Variants in FAM171A1 observed in about 807,000 individuals in gnomAD.
FAM171A1 encodes protein FAM171A1.
Under a neutral mutation model 74.9 loss-of-function variants are expected in FAM171A1, and 23 were observed. The ratio of observed to expected loss-of-function variants is 0.31; its 90% CI spans 0.22 to 0.44. FAM171A1 has a LOEUF of 0.44. Ranked by LOEUF, FAM171A1 falls within the 20% of genes least tolerant of loss-of-function variation. FAM171A1 has a pLI of 1.00. For missense variants in FAM171A1, 1,162 were observed against 1,159.2 expected (o/e 1.00, Z -0.03); for synonymous variants, 527 against 505.7 (o/e 1.04, Z -0.57).
intron 3 of FAM171A1, among the ~76,000 whole-genome samples, chr10:15,257,293 G>C (rs1006075731): frequency 6.6e-6 from 1 of 152,158 alleles, no homozygotes; most frequent in African/African-American, 2.4e-5. Context: ...GTGGGGCACA[G>C]AAACCTTCTC....
chr10:15,371,008 G>T lies in FAM171A1; in HGVS notation c.45C>A (p.His15Gln). The change falls in exon 1 of 8, where the codon CAC becomes CAA. Residue 15 changes from histidine (H) to glutamine (Q), a missense_variant. Coordinates refer to ENST00000378116, the MANE Select transcript of FAM171A1 (RefSeq NM_001010924.2). ...GCGTCTTGGTCACCGCCTTCCAGAC[G>T]TGGCAGCCCAGCAGGCACAGCAGCA... ...ATLLLCLLGC[H>Q]VWKAVTKTLR... is the part of the protein sequence containing the mutation. 8.4e-7 allele frequency: 1 copy of T among 1,189,204 alleles called. No individual in the cohort carries two copies. The highest frequency in any genetic ancestry group is 1.1e-6 in the Non-Finnish European group (1 of 936,858). The allele number at this position is 1,189,204 out of a possible 1,614,324, so 73.7% of individuals were successfully genotyped here. A position where few individuals can be genotyped will look rare whatever the true frequency, so the allele number is the denominator to read the frequency against.
At chr10:15,362,719 G>A (rs1426854558) in intron 1 of FAM171A1, among the ~76,000 whole-genome samples, 1 of 152,192 alleles carries the variant, frequency 6.6e-6, no homozygotes, top group East Asian at 1.9e-4. Flanking sequence ...GCGAGACTCT[G>A]TCTCAAAAAC....
Position 15,214,226 on chromosome 10 carries a change from C to G in FAM171A1, c.1362G>C (p.Gly454=). Residue 454 remains glycine, a synonymous_variant, in exon 8 of 8, where the codon GGG becomes GGC. Transcript: ENST00000378116. ...FDNLTPSGTL[G]KDYHKSVEVF... The stretch of plus-strand genomic sequence containing the variant: ...CCTCCACTGACTTATGGTAGTCTTT[C>G]CCCAGCGTCCCACTTGGAGTGAGGT... The G allele has an allele frequency of 6.2e-7, 1 of 1,614,156 alleles. No individual in the cohort carries two copies. Among genetic ancestry groups the G allele is most frequent in the Non-Finnish European group, 8.5e-7 (1 of 1,180,018 alleles).
intron 1 of FAM171A1, among the ~76,000 whole-genome samples, chr10:15,319,577 C>T (rs990308113): frequency 6.6e-6 from 1 of 152,182 alleles, no homozygotes; most frequent in Non-Finnish European, 1.5e-5. Flanking sequence ...GAATTATAGG[C>T]ATGCACAACC....
intron 5 of FAM171A1, among the ~76,000 whole-genome samples, chr10:15,233,865 G>A (rs956874945): frequency 6.7e-6 from 1 of 148,230 alleles, no homozygotes; most frequent in Admixed American, 6.8e-5. Context: ...TAGTGCCACT[G>A]CACTCCAGCC....
At chr10:15,324,720 T>A (rs1203526449) in intron 1 of FAM171A1, among the ~76,000 whole-genome samples, 2 of 151,854 alleles carry the variant, frequency 1.3e-5, no homozygotes, top group South Asian at 4.2e-4. Flanking sequence ...ACAGCCTTAG[T>A]TTCAAGAGTG....
intron 3 of FAM171A1, among the ~76,000 whole-genome samples, chr10:15,268,021 C>T (rs1037807296): frequency 3.3e-5 from 5 of 152,258 alleles, no homozygotes; most frequent in South Asian, 2.1e-4. Flanking sequence ...ACAGTGAGCA[C>T]GTGGGCCTAA....
At chr10:15,255,151 C>T (rs1834562827) in intron 3 of FAM171A1, among the ~76,000 whole-genome samples, 2 of 152,194 alleles carry the variant, frequency 1.3e-5, no homozygotes, top group Non-Finnish European at 1.5e-5. Context: ...CATGTGCAAG[C>T]AGTCTTGTCA....
chr10:15,222,817 G>A (rs79518149), intron 5 of FAM171A1, among the ~76,000 whole-genome samples: 2,267 of 152,344 alleles, frequency 0.015, 24 homozygotes, highest in Middle Eastern at 0.041. Context: ...GGGACAAGTC[G>A]GGCACCAGCG....
chr10:15,276,791 C>G (rs544224949), intron 2 of FAM171A1, among the ~76,000 whole-genome samples: 1 of 151,972 alleles, frequency 6.6e-6, no homozygotes, highest in African/African-American at 2.4e-5. Flanking sequence ...CTCAAGTATC[C>G]CTGCTGCCTT....
intron 1 of FAM171A1, among the ~76,000 whole-genome samples, chr10:15,318,579 C>G (rs149706233): frequency 1.3e-5 from 2 of 152,212 alleles, no homozygotes; most frequent in Non-Finnish European, 2.9e-5. Flanking sequence ...AATGCCGGAG[C>G]TGGTTCCCAT....
intron 6 of FAM171A1, among the ~76,000 whole-genome samples, chr10:15,219,835 T>C (rs7082435): frequency 0.22 from 33,868 of 152,038 alleles, 4,053 homozygotes; most frequent in African/African-American, 0.31. Flanking sequence ...CCTCCTCGGC[T>C]TCCCAAAGTG....
chr10:15,316,510 C>T (rs930626382), intron 1 of FAM171A1, among the ~76,000 whole-genome samples: 8 of 152,154 alleles, frequency 5.3e-5, no homozygotes, highest in African/African-American at 1.7e-4. Context: ...TTCTAAGAAA[C>T]CATTCCAGTC....
chr10:15,273,865 G>A (rs574201705), intron 3 of FAM171A1, among the ~76,000 whole-genome samples: 1 of 152,186 alleles, frequency 6.6e-6, no homozygotes, highest in Admixed American at 6.5e-5. Flanking sequence ...CAATAAACTA[G>A]GTATTGATGG....
Position 15,212,573 on chromosome 10 carries a change from C to T in FAM171A1, c.*342G>A, listed in dbSNP as rs17156419. The T allele has an allele frequency of 5.4e-3, 1,528 of 281,974 alleles. 18 individuals carry two copies. Among genetic ancestry groups the T allele is most frequent in the African/African-American group, 0.031 (1,400 of 44,616 alleles). The allele number at this position is 281,974 out of a possible 1,614,324, so 17.5% of individuals were successfully genotyped here. ...CGATGCAAAAAGTTTCATCTGTTCC[C>T]AGAATCCGAGGGAGAACTGAGGTGA... On this transcript the variant is annotated 3_prime_UTR_variant, in exon 8 of 8. Coordinates refer to ENST00000378116, the MANE Select transcript of FAM171A1 (RefSeq NM_001010924.2).
chr10:15,333,872 A>C (rs1482120763), intron 1 of FAM171A1, among the ~76,000 whole-genome samples: 1 of 148,160 alleles, frequency 6.7e-6, no homozygotes, highest in Non-Finnish European at 1.5e-5. Context: ...AAAAAAAACT[A>C]TTTCCATTGG....
chr10:15,304,546 A>G (rs187908472), intron 1 of FAM171A1, among the ~76,000 whole-genome samples: 34 of 152,286 alleles, frequency 2.2e-4, no homozygotes, highest in African/African-American at 8.2e-4. Flanking sequence ...CTGCGGCCGC[A>G]TACCCTGCCT....
rs911508290 is a variant in FAM171A1 at position 15,329,383 on chromosome 10, G to C, written c.97+41573C>G. Among the ~76,000 whole-genome samples, 3 of 152,114 alleles carry C rather than the reference G, an allele frequency of 2.0e-5. No individual in the cohort carries two copies. The East Asian group carries it at 5.8e-4, about 29-fold the overall frequency. ...GCTGGGCCACGCCAGGCTTGGTGGC[G>C]CACAATTGTAATCCCAGCACTTTGT... On this transcript the variant is annotated intron_variant, in intron 1 of 7. Transcript: ENST00000378116.
intron 1 of FAM171A1, among the ~76,000 whole-genome samples, chr10:15,335,781 T>C (rs1835693091): frequency 6.6e-6 from 1 of 152,226 alleles, no homozygotes. Flanking sequence ...TTTATCTTTG[T>C]TTCCATGAAA....
Sources: allele counts gnomAD v4.1 joint callset (sites outside exome capture counted in the v4.1 genomes callset), GRCh38; gene constraint gnomAD v4.1.1; transcripts MANE v1.5; gene names NCBI Gene and HGNC (gene_info 2026-07-23, HGNC 2026-07-21).